CNTN6: variants seen among roughly 807,000 people sequenced by gnomAD.
CNTN6 encodes contactin-6.
A neutral mutation model predicts 122.8 loss-of-function variants in CNTN6; 137 were observed. The ratio of observed to expected loss-of-function variants is 1.12; its 90% confidence interval spans 0.97 to 1.29. The LOEUF (loss-of-function observed/expected upper bound fraction) is 1.29, where lower values mean the gene tolerates loss of function less well. CNTN6 is among the 50% of genes most tolerant of loss of function. The pLI is 0.00. For missense variants in CNTN6, 1,634 were observed against 1,223.4 expected, an observed-to-expected ratio of 1.34 and a Z score of -5.01; for synonymous variants, 570 against 426.0, an observed-to-expected ratio of 1.34 and a Z score of -4.16.
intron 7 of CNTN6, among the ~76,000 whole-genome samples, 196 bp from the exon 8 acceptor site, chr3:1,321,454 G>A (rs1183142204): frequency 3.3e-5 from 5 of 151,758 alleles, no homozygotes; most frequent in Admixed American, 6.6e-5. Flanking sequence ...ACTTGCATAC[G>A]GCAGGCACTT....
Position 1,111,612 on chromosome 3 carries a change from A to T in CNTN6, c.-83+18492A>T, listed in dbSNP as rs570122402. Among the ~76,000 whole-genome samples, 3 of 152,316 alleles carry T rather than the reference A, an allele frequency of 2.0e-5. No individual in the cohort carries two copies. In the South Asian group the frequency reaches 6.2e-4, roughly 32 times the overall value. On this transcript the variant is annotated intron_variant, in intron 1 of 22. Coordinates refer to ENST00000446702, the MANE Select transcript of CNTN6 (RefSeq NM_001289080.2). ...AGTGAACTCAGAGAAGGATCATAGG[A>T]TGTAATTAAATATTCTGGTGAAACA... is the stretch of plus-strand genomic sequence containing the variant.
At chr3:1,214,742 G>A (rs1193607081) in intron 2 of CNTN6, among the ~76,000 whole-genome samples, 1 of 152,032 alleles carries the variant, frequency 6.6e-6, no homozygotes, top group South Asian at 2.1e-4. Context: ...CTTATTCTGA[G>A]TTTTCTTTTT....
At chr3:1,338,803 AAAG>A (rs1703467095) in intron 11 of CNTN6, among the ~76,000 whole-genome samples, 1 of 152,194 alleles carries the variant, frequency 6.6e-6, no homozygotes. Context: ...ATTTTTGAGA[AAAG>A]AAGTGGTTAC....
chr3:1,353,520 G>T (rs764417872), intron 12 of CNTN6, among the ~76,000 whole-genome samples: 4 of 151,674 alleles, frequency 2.6e-5, no homozygotes, highest in Non-Finnish European at 5.9e-5. Flanking sequence ...GGCATATTTT[G>T]AAAAACTTCT....
intron 16 of CNTN6, among the ~76,000 whole-genome samples, chr3:1,376,184 T>TA (rs780035195): frequency 1.4e-4 from 22 of 152,106 alleles, no homozygotes; most frequent in Non-Finnish European, 2.5e-4. Context: ...TTTAAACACT[T>TA]ACGCATGTGT....
intron 5 of CNTN6, among the ~76,000 whole-genome samples, chr3:1,291,019 C>G (rs991757748): frequency 1.2e-4 from 19 of 152,126 alleles, no homozygotes; most frequent in African/African-American, 4.6e-4. Context: ...TTACACAGCC[C>G]GTATTCAAGA....
intron 5 of CNTN6, among the ~76,000 whole-genome samples, chr3:1,280,743 G>C (rs1693260941): frequency 6.6e-6 from 1 of 151,940 alleles, no homozygotes; most frequent in Non-Finnish European, 1.5e-5. Context: ...GGGATTACAG[G>C]CATGAGTCAC....
intron 4 of CNTN6, among the ~76,000 whole-genome samples, chr3:1,261,105 T>C (rs560584008): frequency 6.6e-6 from 1 of 152,252 alleles, no homozygotes; most frequent in South Asian, 2.1e-4. Flanking sequence ...TCTTGTCTGT[T>C]TAGTTCATTG....
At chr3:1,208,688 T>C (rs2093991858) in intron 2 of CNTN6, among the ~76,000 whole-genome samples, 1 of 152,136 alleles carries the variant, frequency 6.6e-6, no homozygotes, top group Admixed American at 6.6e-5. Flanking sequence ...CCTTTAGCTA[T>C]TTGATATTGA....
At chr3:1,270,166 T>C (rs1313794899) in intron 4 of CNTN6, among the ~76,000 whole-genome samples, 2 of 152,130 alleles carry the variant, frequency 1.3e-5, no homozygotes, top group Non-Finnish European at 1.5e-5. Context: ...AAAACGATGG[T>C]GGAAAATGAA....
At chr3:1,270,398 A>T (rs2125751212) in intron 4 of CNTN6, among the ~76,000 whole-genome samples, 1 of 152,350 alleles carries the variant, frequency 6.6e-6, no homozygotes, top group East Asian at 1.9e-4. Context: ...GTATTTTAAT[A>T]CTGAAAGTTG....
intron 17 of CNTN6, among the ~76,000 whole-genome samples, chr3:1,378,397 A>T (rs1008606511): frequency 1.3e-5 from 2 of 152,172 alleles, no homozygotes; most frequent in African/African-American, 4.8e-5. Flanking sequence ...ATAACTGGGA[A>T]CCAGAGACGT....
chr3:1,352,891 T>C (rs1705885093), intron 12 of CNTN6, among the ~76,000 whole-genome samples: 1 of 151,722 alleles, frequency 6.6e-6, no homozygotes, highest in Non-Finnish European at 1.5e-5. Flanking sequence ...ACAAAACTAA[T>C]GAAATGCAGG....
intron 20 of CNTN6, among the ~76,000 whole-genome samples, 153 bp downstream of exon 20, chr3:1,385,950 A>T (rs1335447143): frequency 6.6e-6 from 1 of 152,098 alleles, no homozygotes; most frequent in Non-Finnish European, 1.5e-5. Context: ...ACTTGTTGAA[A>T]CCTTTTGGTA....
At chr3:1,169,373 C>T (rs1383773000) in intron 2 of CNTN6, among the ~76,000 whole-genome samples, 1 of 152,208 alleles carries the variant, frequency 6.6e-6, no homozygotes, top group Non-Finnish European at 1.5e-5. Flanking sequence ...CCGCCTTCCT[C>T]AGCTCTGTCT....
chr3:1,373,592 AT>A lies in CNTN6; in HGVS notation c.1787-5del. 2 of 1,608,898 alleles carry A rather than the reference AT, an allele frequency of 1.2e-6. No homozygotes were observed. Among genetic ancestry groups the A allele is most frequent in the Non-Finnish European group, 1.7e-6 (2 of 1,177,756 alleles). Reference sequence around the variant, plus strand: ...ATCTCCAATGGAGTCATGATAAAACATTTTTTTCAAGGTCCACCAGGTCCTC... The same window carrying A: ...ATCTCCAATGGAGTCATGATAAAACATTTTTTCAAGGTCCACCAGGTCCTC... On this transcript the variant is annotated splice_polypyrimidine_tract_variant and intron_variant, in intron 14 of 22. Coordinates refer to ENST00000446702, the MANE Select transcript of CNTN6 (RefSeq NM_001289080.2).
At chr3:1,304,998 A>AAAC (rs1324605011) in intron 7 of CNTN6, among the ~76,000 whole-genome samples, 1 of 151,750 alleles carries the variant, frequency 6.6e-6, no homozygotes, top group African/African-American at 2.4e-5. Context: ...AAAAAAAAAA[A>AAAC]AAAAAACAAA....
Position 1,227,864 on chromosome 3 carries a change from T to C in CNTN6, c.229T>C (p.Tyr77His). The change falls in exon 4 of 23, where the codon TAC (tyrosine) becomes CAC (histidine). Residue 77 changes from tyrosine to histidine, a missense_variant. Physicochemically the swap from Tyr to His is moderately conservative, Grantham distance 83. Transcript: ENST00000446702. ...TDIDFTMSYH[Y>H]RLDGGSLAIN... ...CATTGATTTTACTATGAGTTATCAC[T>C]ACAGGTTGGATGGAGGCAGTCTTGC... 6.2e-7 allele frequency: 1 copy of C among 1,614,004 alleles called. No individual in the cohort carries two copies. Among genetic ancestry groups the C allele is most frequent in the Non-Finnish European group, 8.5e-7 (1 of 1,179,974 alleles).
intron 2 of CNTN6, among the ~76,000 whole-genome samples, chr3:1,165,572 C>T (rs1323408530): frequency 6.6e-6 from 1 of 152,084 alleles, no homozygotes; most frequent in Non-Finnish European, 1.5e-5. Context: ...ATCACCCCCA[C>T]TACACACACA....
Sources: allele counts gnomAD v4.1 joint callset (sites outside exome capture counted in the v4.1 genomes callset), GRCh38; gene constraint gnomAD v4.1.1; transcripts MANE v1.5; gene names NCBI Gene and HGNC (gene_info 2026-07-23, HGNC 2026-07-21).